The following FAM219A variants were observed in gnomAD, a reference collection of about 807,000 sequenced individuals.
The protein encoded by FAM219A is family with sequence similarity 219 member A, also known as protein FAM219A.
Under a neutral mutation model 23.4 loss-of-function variants are expected in FAM219A, and 7 were observed. That is an observed-to-expected ratio of 0.30 (90% CI 0.17 to 0.56). FAM219A has a LOEUF of 0.56. FAM219A is among the 20% of genes least tolerant of loss of function. The pLI is 0.92. For synonymous variants in FAM219A, 93 were observed against 99.0 expected, an observed-to-expected ratio of 0.94 and a Z score of 0.36; for missense variants, 166 against 246.9, an observed-to-expected ratio of 0.67 and a Z score of 2.20.
In FAM219A at chr9:34,406,202, C is replaced by A. The variant is rs79749238; in HGVS notation, c.61-238G>T. Reference sequence around the variant, plus strand: ...ATGTACACCCAACTTGGTGTCTGTCCTCAAAGTCCTGTGTGGTCCAGCCTC... The same window carrying A: ...ATGTACACCCAACTTGGTGTCTGTCATCAAAGTCCTGTGTGGTCCAGCCTC... On this transcript the variant is annotated intron_variant, in intron 1 of 5. Coordinates refer to ENST00000651358, the MANE Select transcript of FAM219A (RefSeq NM_001184940.2). The A allele has an allele frequency of 4.7e-3, 3,780 of 812,446 alleles. 18 individuals are homozygous for A. The highest frequency in any genetic ancestry group is 6.6e-3 in the South Asian group (117 of 17,838). 50.3% of individuals were successfully genotyped at this position (812,446 alleles called of 1,614,324 possible).
chr9:34,408,332 C>G (rs950500561), intron 1 of FAM219A, among the ~76,000 whole-genome samples: 2 of 152,236 alleles, frequency 1.3e-5, no homozygotes, highest in African/African-American at 4.8e-5. Context: ...CCAAAACAGC[C>G]TCTCAGCAGC....
intron 2 of FAM219A, among the ~76,000 whole-genome samples, chr9:34,403,823 T>C (rs754832744): frequency 6.6e-6 from 1 of 152,220 alleles, no homozygotes; most frequent in Non-Finnish European, 1.5e-5. Flanking sequence ...CCTTTACAGC[T>C]ACTGTGACTC....
chr9:34,438,112 G>A (rs564140613), intron 1 of FAM219A, among the ~76,000 whole-genome samples: 107 of 152,356 alleles, frequency 7.0e-4, no homozygotes, highest in Non-Finnish European at 1.4e-3. Context: ...AGCAGTGCCA[G>A]CCCACGGGCG....
chr9:34,457,637 G>T lies in FAM219A; in HGVS notation c.60+567C>A, dbSNP rs1823796657. Reference sequence around the variant, plus strand: ...GATGCCCCCAGCCTGGTCTGCCTGCGCTCCCCACCGGAGAACGGAATTCCC... The same window carrying T: ...GATGCCCCCAGCCTGGTCTGCCTGCTCTCCCCACCGGAGAACGGAATTCCC... On this transcript the variant is annotated intron_variant, in intron 1 of 5. Transcript: ENST00000651358. The surrounding 1 kb of genome is among the most constrained non-coding windows in gnomAD (Gnocchi z 5.1). Among the ~76,000 whole-genome samples, 1 of 151,928 alleles carries T rather than the reference G, an allele frequency of 6.6e-6. No homozygotes were observed. The highest frequency in any genetic ancestry group is 1.5e-5 in the Non-Finnish European group (1 of 67,990).
At chr9:34,430,321 G>A (rs917220084) in intron 1 of FAM219A, among the ~76,000 whole-genome samples, 1 of 152,072 alleles carries the variant, frequency 6.6e-6, no homozygotes, top group African/African-American at 2.4e-5. Context: ...TTGAGCCCAG[G>A]AGTTCGAGAC....
intron 1 of FAM219A, among the ~76,000 whole-genome samples, chr9:34,453,508 C>T (rs1461267637): frequency 6.6e-6 from 1 of 152,206 alleles, no homozygotes; most frequent in African/African-American, 2.4e-5. Flanking sequence ...TAAAAACCTT[C>T]CTATAGCCAT....
intron 1 of FAM219A, among the ~76,000 whole-genome samples, chr9:34,438,601 A>G (rs549678315): frequency 3.4e-4 from 51 of 151,556 alleles, no homozygotes; most frequent in African/African-American, 1.1e-3. Context: ...GGCACTCTGT[A>G]TCTAGCTCAA....
chr9:34,422,938 G>A (rs905901571), intron 1 of FAM219A, among the ~76,000 whole-genome samples: 1 of 152,134 alleles, frequency 6.6e-6, no homozygotes, highest in Non-Finnish European at 1.5e-5. Context: ...GGCCGAAGTG[G>A]AAGGATTGCT....
rs139906701 is a variant in FAM219A at position 34,432,966 on chromosome 9, G to C, written c.60+25238C>G. On this transcript the variant is annotated intron_variant, in intron 1 of 5. Transcript: ENST00000651358. ...TCCTGCCTCAACCTCCTGAATTGCT[G>C]GGATTATAGGCATGAGCCACTATGC... is the stretch of plus-strand genomic sequence containing the variant. Among the ~76,000 whole-genome samples the C allele has an allele frequency of 9.2e-5, 14 of 152,218 alleles. No homozygotes were observed. In the East Asian group the frequency reaches 2.7e-3, roughly 29 times the overall value.
Position 34,417,880 on chromosome 9 carries a change from C to T in FAM219A, c.61-11916G>A, listed in dbSNP as rs1273599711. Reference sequence around the variant, plus strand: ...AGAACAAAAGGAGGGAAGACTCTTACACTGAAGACTGGGAAGGGCTTTAAG... The same window carrying T: ...AGAACAAAAGGAGGGAAGACTCTTATACTGAAGACTGGGAAGGGCTTTAAG... On this transcript the variant is annotated intron_variant, in intron 1 of 5. Coordinates refer to ENST00000651358, the MANE Select transcript of FAM219A (RefSeq NM_001184940.2). This position sits in a 1 kb window ranked among gnomAD's most constrained non-coding sequence, Gnocchi z 4.1. 6.6e-6 allele frequency among the ~76,000 whole-genome samples: 1 copy of T among 152,230 alleles called. No individual in the cohort carries two copies. Among genetic ancestry groups the T allele is most frequent in the African/African-American group, 2.4e-5 (1 of 41,466 alleles).
At chr9:34,421,041 A>AGAGG (rs1554677418) in intron 1 of FAM219A, among the ~76,000 whole-genome samples, 6 of 150,200 alleles carry the variant, frequency 4.0e-5, no homozygotes, top group African/African-American at 1.5e-4. Context: ...AGAGAGAGAG[A>AGAGG]GAGAATGGCT....
chr9:34,402,069 C>A lies in FAM219A; in HGVS notation c.344+318G>T, dbSNP rs1448776845. 2.0e-5 allele frequency among the ~76,000 whole-genome samples: 3 copies of A among 151,492 alleles called. No individual in the cohort carries two copies. The East Asian group carries it at 5.8e-4, about 29-fold the overall frequency. On this transcript the variant is annotated intron_variant, in intron 4 of 5. Transcript: ENST00000651358. Reference sequence around the variant, plus strand: ...TGTTTTCCAGGGAGTAGGGCTCCTTCCTGAGGGGATGGGGCATTAAGCATC... The same window carrying A: ...TGTTTTCCAGGGAGTAGGGCTCCTTACTGAGGGGATGGGGCATTAAGCATC...
intron 1 of FAM219A, among the ~76,000 whole-genome samples, chr9:34,420,994 G>A (rs867444862): frequency 9.3e-5 from 9 of 96,904 alleles, no homozygotes; most frequent in Admixed American, 3.1e-4. Flanking sequence ...GTGTGTGTAT[G>A]TGTGTGTGTG....
At chr9:34,428,821 G>C (rs1160218968) in intron 1 of FAM219A, among the ~76,000 whole-genome samples, 1 of 152,144 alleles carries the variant, frequency 6.6e-6, no homozygotes, top group Non-Finnish European at 1.5e-5. Context: ...TCTTCTCCAG[G>C]CTTCCTTGTG....
At chr9:34,409,953 A>G (rs553560913) in intron 1 of FAM219A, among the ~76,000 whole-genome samples, 45 of 152,398 alleles carry the variant, frequency 3.0e-4, no homozygotes, top group African/African-American at 1.1e-3. Flanking sequence ...AGAAAATAGT[A>G]TAGTGAGATC....
intron 1 of FAM219A, among the ~76,000 whole-genome samples, chr9:34,440,616 C>T (rs1057192582): frequency 7.2e-5 from 11 of 151,996 alleles, no homozygotes; most frequent in South Asian, 4.2e-4. Context: ...TTTGGAAGGC[C>T]GAGGCGGGCG....
Position 34,399,812 on chromosome 9 carries a change from C to T in FAM219A, c.*1152G>A, listed in dbSNP as rs895432966. On this transcript the variant is annotated 3_prime_UTR_variant, in exon 6 of 6. Coordinates refer to ENST00000651358, the MANE Select transcript of FAM219A (RefSeq NM_001184940.2). Reference sequence around the variant, plus strand: ...AACCAGAACCCAGGCTTCTGACTCCCGGTCCAAGGCTGTCAGCCCATTGCA... The same window carrying T: ...AACCAGAACCCAGGCTTCTGACTCCTGGTCCAAGGCTGTCAGCCCATTGCA... 6.6e-6 allele frequency: 1 copy of T among 152,262 alleles called. No individual in the cohort carries two copies. The highest frequency in any genetic ancestry group is 1.5e-5 in the Non-Finnish European group (1 of 68,068). The allele number at this position is 152,262 out of a possible 1,614,324, so 9.4% of individuals were successfully genotyped here.
chr9:34,408,457 A>G (rs1336261642), intron 1 of FAM219A, among the ~76,000 whole-genome samples: 1 of 152,226 alleles, frequency 6.6e-6, no homozygotes, highest in Non-Finnish European at 1.5e-5. Flanking sequence ...GGCAAATCCC[A>G]TAAACATGCT....
At chr9:34,448,598 C>T (rs1338158993) in intron 1 of FAM219A, among the ~76,000 whole-genome samples, 1 of 152,208 alleles carries the variant, frequency 6.6e-6, no homozygotes, top group Non-Finnish European at 1.5e-5. Flanking sequence ...TTTATTGATA[C>T]TGCAGAGGAA....
Sources: gnomAD v4.1 joint callset for allele counts (sites outside exome capture counted in the v4.1 genomes callset) on GRCh38, gnomAD v4.1.1 for gene constraint, Gnocchi (gnomAD v3.1) non-coding constraint, MANE v1.5 for transcripts, NCBI Gene and HGNC (gene_info 2026-07-23, HGNC 2026-07-21) for gene names.